Variants in RAB10 observed in about 807,000 individuals in gnomAD.
RAB10 encodes the protein ras-related protein Rab-10.
A neutral mutation model predicts 25.7 loss-of-function variants in RAB10; 5 were observed. The observed-to-expected ratio is 0.19, with a 90% confidence interval of 0.10 to 0.41. The LOEUF (loss-of-function observed/expected upper bound fraction) is 0.41, where lower values mean the gene tolerates loss of function less well. Ranked by LOEUF, RAB10 falls within the 10% of genes least tolerant of loss-of-function variation. The probability of loss-of-function intolerance (pLI) is 1.00; values close to 1 mark genes in which losing one functional copy is unlikely to be tolerated. For missense variants in RAB10, 103 were observed against 245.8 expected (o/e 0.42, Z 3.89); for synonymous variants, 89 against 86.4 (o/e 1.03, Z -0.16).
At chr2:26,068,310 A>G (rs978683657) in intron 1 of RAB10, among the ~76,000 whole-genome samples, 7 of 152,224 alleles carry the variant, frequency 4.6e-5, no homozygotes, top group African/African-American at 7.2e-5. Context: ...AGAGCCTGGT[A>G]GTCCATGCTA....
intron 1 of RAB10, among the ~76,000 whole-genome samples, chr2:26,069,965 C>T (rs867383850): frequency 6.6e-6 from 1 of 152,190 alleles, no homozygotes; most frequent in South Asian, 2.1e-4. Context: ...CCCCGGCTTC[C>T]CAAAGTGCTG....
At chr2:26,070,082 TTG>T (rs1666593014) in intron 1 of RAB10, among the ~76,000 whole-genome samples, 1 of 152,196 alleles carries the variant, frequency 6.6e-6, no homozygotes, top group African/African-American at 2.4e-5. Flanking sequence ...TCACTCTGCA[TTG>T]TGTTATATTG....
chr2:26,060,622 A>C (rs1666374488), intron 1 of RAB10, among the ~76,000 whole-genome samples: 1 of 152,154 alleles, frequency 6.6e-6, no homozygotes, highest in Admixed American at 6.5e-5. Flanking sequence ...AAAATTGTAT[A>C]TCCTTATTTT....
intron 1 of RAB10, among the ~76,000 whole-genome samples, chr2:26,052,366 A>G (rs1666157431): frequency 6.6e-6 from 1 of 152,160 alleles, no homozygotes; most frequent in African/African-American, 2.4e-5. Context: ...AGCCTGGGCA[A>G]CAGAGTGAGA....
chr2:26,061,693 A>G (rs1037101895), intron 1 of RAB10, among the ~76,000 whole-genome samples: 1 of 151,254 alleles, frequency 6.6e-6, no homozygotes, highest in African/African-American at 2.4e-5. Context: ...CCCCAGTCTT[A>G]TTTTTCTCGC....
intron 1 of RAB10, among the ~76,000 whole-genome samples, chr2:26,061,759 A>AC (rs966394496): frequency 7.7e-5 from 5 of 65,064 alleles, no homozygotes; most frequent in Admixed American, 1.5e-4. Context: ...TCCCCACCCC[A>AC]CCCCCCCTTG....
At chr2:26,045,095 A>G (rs1015048956) in intron 1 of RAB10, among the ~76,000 whole-genome samples, 6 of 151,970 alleles carry the variant, frequency 3.9e-5, no homozygotes, top group Non-Finnish European at 7.4e-5. Context: ...ATCTTAGCGC[A>G]TAATAGAGAA....
chr2:26,099,581 C>A (rs1477811124), intron 2 of RAB10, among the ~76,000 whole-genome samples: 5 of 120,906 alleles, frequency 4.1e-5, no homozygotes, highest in South Asian at 5.4e-4. Context: ...CGCTCTGTCG[C>A]CCATGCTGGA....
chr2:26,111,593 C>T (rs1228380721), intron 3 of RAB10, among the ~76,000 whole-genome samples: 6 of 132,700 alleles, frequency 4.5e-5, no homozygotes, highest in Non-Finnish European at 4.7e-5. Flanking sequence ...GCAACAAGAG[C>T]GAAACTCCAT....
intron 1 of RAB10, among the ~76,000 whole-genome samples, chr2:26,051,997 C>T (rs1479010290): frequency 6.6e-6 from 1 of 150,976 alleles, no homozygotes; most frequent in East Asian, 1.9e-4. Context: ...GCGGAGGTTG[C>T]AGTGAGCTGA....
At chr2:26,086,473 C>T (rs1054426157) in intron 1 of RAB10, among the ~76,000 whole-genome samples, 2 of 152,092 alleles carry the variant, frequency 1.3e-5, no homozygotes, top group Non-Finnish European at 2.9e-5. Flanking sequence ...TGATTGAGGA[C>T]GTGGAGAAAT....
intron 1 of RAB10, among the ~76,000 whole-genome samples, chr2:26,086,013 A>G (rs1286725906): frequency 1.4e-5 from 2 of 139,438 alleles, no homozygotes; most frequent in East Asian, 5.5e-4. Context: ...AAAAAAAAAA[A>G]AAAAGGGGGG....
intron 5 of RAB10, among the ~76,000 whole-genome samples, chr2:26,130,996 A>G (rs186747715): frequency 8.7e-4 from 124 of 143,228 alleles, no homozygotes; most frequent in African/African-American, 3.1e-3. Flanking sequence ...CTTTCTGTCT[A>G]TACTATGTCC....
chr2:26,044,136 A>G (rs1665946101), intron 1 of RAB10, among the ~76,000 whole-genome samples: 1 of 152,220 alleles, frequency 6.6e-6, no homozygotes, highest in Non-Finnish European at 1.5e-5. Context: ...TAAGATGGCA[A>G]ATTTAATGTT....
intron 3 of RAB10, among the ~76,000 whole-genome samples, chr2:26,113,183 G>A (rs1186883038): frequency 6.6e-6 from 1 of 152,192 alleles, no homozygotes; most frequent in African/African-American, 2.4e-5. Flanking sequence ...GTCAGAACCT[G>A]TCAATGTAAT....
intron 1 of RAB10, among the ~76,000 whole-genome samples, chr2:26,061,092 CTTTTTTTTT>C (rs5829993): frequency 7.2e-5 from 6 of 83,636 alleles, no homozygotes; most frequent in African/African-American, 1.8e-4. Context: ...TTATCTCTGT[CTTTTTTTTT>C]TTTTTTTTTT....
At chr2:26,106,567 C>T (rs1043132242) in intron 2 of RAB10, among the ~76,000 whole-genome samples, 3 of 152,144 alleles carry the variant, frequency 2.0e-5, no homozygotes, top group African/African-American at 7.2e-5. Context: ...TTGAAATTAA[C>T]TCAAAATGTA....
At chr2:26,100,607 A>G (rs904462559) in intron 2 of RAB10, among the ~76,000 whole-genome samples, 1 of 152,216 alleles carries the variant, frequency 6.6e-6, no homozygotes, top group Non-Finnish European at 1.5e-5. Context: ...CTGGGCACTG[A>G]CAAAACCAGT....
intron 1 of RAB10, among the ~76,000 whole-genome samples, chr2:26,057,025 G>C (rs527752017): frequency 6.6e-6 from 1 of 152,136 alleles, no homozygotes; most frequent in African/African-American, 2.4e-5. Flanking sequence ...TCTATGCCAC[G>C]TATTTCTGGT....
Sources: allele counts gnomAD v4.1 joint callset (sites outside exome capture counted in the v4.1 genomes callset), GRCh38; gene constraint gnomAD v4.1.1; transcripts MANE v1.5; gene names NCBI Gene and HGNC (gene_info 2026-07-23, HGNC 2026-07-21).